KCNMA1: variants seen among roughly 807,000 people sequenced by gnomAD.
KCNMA1 encodes the protein potassium calcium-activated channel subfamily M alpha 1.
In KCNMA1, 29 loss-of-function variants were observed where a neutral mutation model predicts 140.0. The ratio of observed to expected loss-of-function variants is 0.21; its 90% confidence interval spans 0.15 to 0.28. KCNMA1 has a LOEUF of 0.28. Ranked by LOEUF, KCNMA1 falls within the 10% of genes least tolerant of loss-of-function variation. KCNMA1 has a pLI of 1.00. For missense variants in KCNMA1, 880 were observed against 1,602.2 expected (o/e 0.55, Z 7.70); for synonymous variants, 612 against 611.9 (o/e 1.00, Z 0.00).
At chr10:77,317,091 G>C (rs755288388) in intron 2 of KCNMA1, among the ~76,000 whole-genome samples, 1 of 152,136 alleles carries the variant, frequency 6.6e-6, no homozygotes, top group Non-Finnish European at 1.5e-5. Flanking sequence ...ACAGCGTCAC[G>C]TACCTGTAGT....
intron 5 of KCNMA1, among the ~76,000 whole-genome samples, chr10:77,141,965 A>C (rs1364173038): frequency 1.3e-5 from 2 of 152,246 alleles, no homozygotes; most frequent in African/African-American, 2.4e-5. Flanking sequence ...TTTGCTGATT[A>C]ACAGGAACAA....
At chr10:77,400,179 C>T (rs2096215609) in intron 2 of KCNMA1, among the ~76,000 whole-genome samples, 1 of 152,238 alleles carries the variant, frequency 6.6e-6, no homozygotes, top group Admixed American at 6.5e-5. Flanking sequence ...CCCGCCATTA[C>T]TTAATTGTGA....
At chr10:77,200,393 A>G (rs2042071461) in intron 3 of KCNMA1, among the ~76,000 whole-genome samples, 1 of 152,198 alleles carries the variant, frequency 6.6e-6, no homozygotes, top group South Asian at 2.1e-4. Flanking sequence ...CCACGGAAAA[A>G]AGTAACCTAT....
rs1564735746 is a variant in KCNMA1 at position 76,891,336 on chromosome 10, A to G, written c.3342+189T>C. 6.4e-6 allele frequency: 4 copies of G among 621,088 alleles called. No homozygotes were observed. The East Asian group carries it at 8.3e-5, about 13-fold the overall frequency. 38.5% of individuals were successfully genotyped at this position (621,088 alleles called of 1,614,324 possible). A position where few individuals can be genotyped will look rare whatever the true frequency, so the allele number is the denominator to read the frequency against. On this transcript the variant is annotated intron_variant, in intron 26 of 27. Transcript: ENST00000286628. ...TCAAAGGGTTGCTATGAAGATTAAA[A>G]TGAATGACTATGCATAGAGCAAAGT...
chr10:76,874,640 A>T (rs904157084), downstream of KCNMA1: 3 of 152,070 alleles, frequency 2.0e-5, no homozygotes, highest in African/African-American at 7.2e-5. Context: ...TAACCCTAAC[A>T]CTTCTAATTT....
intron 1 of KCNMA1, among the ~76,000 whole-genome samples, chr10:77,614,787 C>A (rs905960879): frequency 6.6e-6 from 1 of 152,196 alleles, no homozygotes; most frequent in African/African-American, 2.4e-5. Context: ...CCTTGTCCAT[C>A]CCTCACCCAG....
intron 29 of KCNMA1, among the ~76,000 whole-genome samples, chr10:76,879,576 GTT>G (rs201535633): frequency 1.4e-5 from 2 of 144,436 alleles, no homozygotes; most frequent in Non-Finnish European, 1.5e-5. Flanking sequence ...GTCAAGCAGA[GTT>G]TTTTTTTTTT....
intron 1 of KCNMA1, among the ~76,000 whole-genome samples, chr10:77,552,825 G>A (rs1837440): frequency 0.16 from 24,278 of 152,080 alleles, 2,704 homozygotes; most frequent in East Asian, 0.52. Flanking sequence ...GAGGCAGGCC[G>A]ATCACTTGAG....
chr10:77,045,981 A>G (rs1195791126), intron 14 of KCNMA1, among the ~76,000 whole-genome samples: 1 of 152,246 alleles, frequency 6.6e-6, no homozygotes, highest in Non-Finnish European at 1.5e-5. Flanking sequence ...TATACATTAT[A>G]TTATGCACAT....
chr10:76,999,212 T>A (rs1218538925), intron 19 of KCNMA1, among the ~76,000 whole-genome samples: 1 of 152,216 alleles, frequency 6.6e-6, no homozygotes, highest in Non-Finnish European at 1.5e-5. Context: ...TCCCTCTAAT[T>A]AAGATTTCTC....
At chr10:77,218,737 A>T (rs2048605970) in intron 3 of KCNMA1, among the ~76,000 whole-genome samples, 3 of 152,066 alleles carry the variant, frequency 2.0e-5, no homozygotes, top group Admixed American at 2.0e-4. Flanking sequence ...ACCAGGCTGG[A>T]GTGCAGTGGT....
chr10:77,118,251 G>A (rs2097526322), intron 6 of KCNMA1, among the ~76,000 whole-genome samples: 1 of 152,194 alleles, frequency 6.6e-6, no homozygotes, highest in African/African-American at 2.4e-5. Context: ...AGAGTCACAG[G>A]AGAATCGCTC....
At chr10:77,177,490 CTTTCTTTTCT>C (rs3068682) in intron 5 of KCNMA1, among the ~76,000 whole-genome samples, 5 of 146,668 alleles carry the variant, frequency 3.4e-5, no homozygotes, top group East Asian at 2.0e-4. Context: ...TTCTGACTTT[CTTTCTTTTCT>C]TTTCTTTTCT....
intron 22 of KCNMA1, among the ~76,000 whole-genome samples, chr10:76,946,766 G>A (rs1005134288): frequency 5.9e-5 from 9 of 152,132 alleles, no homozygotes; most frequent in Non-Finnish European, 8.8e-5. Context: ...GAAGCCAGCC[G>A]TAATTGTGAT....
chr10:77,133,657 A>T (rs2097912238), intron 5 of KCNMA1, among the ~76,000 whole-genome samples: 1 of 152,176 alleles, frequency 6.6e-6, no homozygotes, highest in South Asian at 2.1e-4. Flanking sequence ...TTCCTTTGAG[A>T]TAAATAAAGC....
chr10:77,631,105 CCA>C (rs1491497913), intron 1 of KCNMA1, among the ~76,000 whole-genome samples: 19 of 90,144 alleles, frequency 2.1e-4, no homozygotes, highest in African/African-American at 6.6e-4. Flanking sequence ...AGACCCTGTC[CCA>C]AAAAAAAAAA....
chr10:77,472,469 G>A (rs1334952077), intron 1 of KCNMA1, among the ~76,000 whole-genome samples: 1 of 149,696 alleles, frequency 6.7e-6, no homozygotes, highest in Admixed American at 6.6e-5. Flanking sequence ...CACACAGAGA[G>A]CATACATACT....
At chr10:77,077,492 C>T (rs1057147976) in intron 13 of KCNMA1, among the ~76,000 whole-genome samples, 4 of 152,204 alleles carry the variant, frequency 2.6e-5, no homozygotes, top group African/African-American at 7.2e-5. Flanking sequence ...GGATCCCAGG[C>T]CGGCTGAGCT....
At chr10:77,333,323 G>A (rs1458510545) in intron 2 of KCNMA1, among the ~76,000 whole-genome samples, 4 of 140,460 alleles carry the variant, frequency 2.8e-5, no homozygotes, top group Non-Finnish European at 4.5e-5. Flanking sequence ...AGACCAGCCT[G>A]TGCAACATAG....
Sources: allele counts gnomAD v4.1 joint callset (sites outside exome capture counted in the v4.1 genomes callset), GRCh38; gene constraint gnomAD v4.1.1; transcripts MANE v1.5; gene names NCBI Gene and HGNC (gene_info 2026-07-23, HGNC 2026-07-21).